COL22A1: variants seen among roughly 807,000 people sequenced by gnomAD.
COL22A1 encodes the protein collagen type XXII alpha 1 chain.
Under a neutral mutation model 248.9 loss-of-function variants are expected in COL22A1, and 221 were observed. The observed-to-expected ratio is 0.89, with a 90% CI of 0.80 to 0.99. The LOEUF (loss-of-function observed/expected upper bound fraction) is 0.99, where lower values mean the gene tolerates loss of function less well. COL22A1 is among the 50% of genes least tolerant of loss of function. COL22A1 has a pLI of 0.00. For synonymous variants in COL22A1, 891 were observed against 793.4 expected (o/e 1.12, Z -2.07); for missense variants, 2,240 against 2,179.0 (o/e 1.03, Z -0.56).
chr8:138,816,914 AT>A (rs916322072), intron 7 of COL22A1, among the ~76,000 whole-genome samples: 44 of 152,334 alleles, frequency 2.9e-4, no homozygotes, highest in African/African-American at 9.9e-4. Flanking sequence ...TAATACCCCC[AT>A]GGACACTCTT....
At chr8:138,635,122 G>A in intron 48 of COL22A1, 59 bp from the exon 49 acceptor site, 1 of 1,382,520 alleles carries the variant, frequency 7.2e-7, no homozygotes, top group Non-Finnish European at 1.0e-6. Flanking sequence ...TTTACTTTGT[G>A]CAAATATCAA....
At chr8:138,669,532 G>T (rs190262170) in intron 41 of COL22A1, among the ~76,000 whole-genome samples, 1 of 152,260 alleles carries the variant, frequency 6.6e-6, no homozygotes, top group African/African-American at 2.4e-5. Context: ...CTGTCTTCTC[G>T]CTTAGAAACA....
In COL22A1 at chr8:138,772,729, C is replaced by T. The variant is rs1028974117; in HGVS notation, c.1803+3237G>A. ...TAGTTTTATTAGCCAGGTGTGGTGGCGCATGCCTGTAGTCCCAGCTACTCA... is the reference window on the plus strand; with the variant it reads ...TAGTTTTATTAGCCAGGTGTGGTGGTGCATGCCTGTAGTCCCAGCTACTCA... On this transcript the variant is annotated intron_variant, in intron 16 of 64. Transcript: ENST00000303045. Among the ~76,000 whole-genome samples the T allele has an allele frequency of 4.6e-5, 7 of 152,100 alleles. No homozygotes were observed. The South Asian group carries it at 6.2e-4, about 14-fold the overall frequency.
intron 23 of COL22A1, among the ~76,000 whole-genome samples, chr8:138,729,448 G>T (rs1302170251): frequency 6.6e-6 from 1 of 152,188 alleles, no homozygotes; most frequent in East Asian, 1.9e-4. Flanking sequence ...AGCAGAGGTT[G>T]AGTCACTGTC....
chr8:138,888,196 C>T (rs1177442588), intron 1 of COL22A1, among the ~76,000 whole-genome samples: 1 of 152,138 alleles, frequency 6.6e-6, no homozygotes, highest in African/African-American at 2.4e-5. Flanking sequence ...GCCTACCCTG[C>T]ACAGGTTCTC....
At chr8:138,857,943 C>T (rs1431267517) in intron 3 of COL22A1, among the ~76,000 whole-genome samples, 2 of 152,212 alleles carry the variant, frequency 1.3e-5, no homozygotes, top group Non-Finnish European at 2.9e-5. Context: ...TTGTGAACTG[C>T]TCCTCCGGTT....
intron 41 of COL22A1, among the ~76,000 whole-genome samples, chr8:138,664,358 T>C (rs1430006523): frequency 5.9e-5 from 9 of 151,944 alleles, no homozygotes; most frequent in African/African-American, 2.2e-4. Context: ...ATGCTGTTCA[T>C]TGATTGACTG....
At chr8:138,841,578 T>C (rs1014642448) in intron 4 of COL22A1, among the ~76,000 whole-genome samples, 1 of 152,090 alleles carries the variant, frequency 6.6e-6, no homozygotes, top group African/African-American at 2.4e-5. Context: ...AATAGATTCA[T>C]GAGTAAGCTA....
chr8:138,784,901 C>T (rs930596398), intron 12 of COL22A1, among the ~76,000 whole-genome samples: 11 of 152,168 alleles, frequency 7.2e-5, no homozygotes, highest in Admixed American at 1.3e-4. Flanking sequence ...AGACTCCAGG[C>T]CCTAGAGTGT....
chr8:138,865,028 A>G (rs1206683231), intron 3 of COL22A1, among the ~76,000 whole-genome samples: 1 of 152,202 alleles, frequency 6.6e-6, no homozygotes, highest in Admixed American at 6.5e-5. Flanking sequence ...CTGTTGTTAG[A>G]TTGATGTAAA....
At position 138,737,516 on chromosome 8, in the gene COL22A1, G is replaced by A. The variant is rs1249711678; in HGVS notation, c.2139+8C>T. The stretch of plus-strand genomic sequence containing the variant: ...GTTGCTATGGAAGAGAATGTAAAAG[G>A]TAGTTACCTGCAGCCCCAGCAATCC... On this transcript the variant is annotated splice_region_variant and intron_variant, in intron 23 of 64. Coordinates refer to ENST00000303045, the MANE Select transcript of COL22A1 (RefSeq NM_152888.3). 3 of 1,594,976 alleles carry A rather than the reference G, an allele frequency of 1.9e-6. No individual in the cohort carries two copies. Among genetic ancestry groups the A allele is most frequent in the Non-Finnish European group, 8.6e-7 (1 of 1,162,670 alleles).
intron 3 of COL22A1, among the ~76,000 whole-genome samples, chr8:138,849,097 G>A (rs1019570429): frequency 5.3e-5 from 8 of 152,160 alleles, no homozygotes; most frequent in South Asian, 2.1e-4. Context: ...AATTTTCCAC[G>A]CATCTCCATT....
intron 16 of COL22A1, among the ~76,000 whole-genome samples, chr8:138,765,795 T>G: frequency 6.6e-6 from 1 of 151,696 alleles, no homozygotes; most frequent in African/African-American, 2.4e-5. Context: ...AGAGAAAGAG[T>G]GAAGCTGCTG....
intron 57 of COL22A1, 55 bp from the exon 58 acceptor site, chr8:138,606,507 G>C: frequency 6.4e-7 from 1 of 1,558,994 alleles, no homozygotes; most frequent in Non-Finnish European, 8.8e-7. Context: ...AACTCAAGCA[G>C]ATTTGGAAAC....
At chr8:138,747,635 A>T (rs1185961069) in intron 22 of COL22A1, among the ~76,000 whole-genome samples, 6 of 152,202 alleles carry the variant, frequency 3.9e-5, no homozygotes, top group Non-Finnish European at 8.8e-5. Context: ...GCCTTCCTGC[A>T]TCACCTGCTT....
chr8:138,762,577 C>A, intron 16 of COL22A1, 111 bp from the exon 17 acceptor site: 2 of 830,076 alleles, frequency 2.4e-6, no homozygotes, highest in Non-Finnish European at 2.0e-6. Flanking sequence ...GAAAAGGTGC[C>A]AAACGCACGT....
rs915871556 is a variant in COL22A1 at position 138,865,782 on chromosome 8, T to C, written c.658+11968A>G. Among the ~76,000 whole-genome samples, 122 of 147,970 alleles carry C rather than the reference T, an allele frequency of 8.2e-4. 1 individual carries two copies. The highest frequency in any genetic ancestry group is 1.5e-3 in the Non-Finnish European group (100 of 67,456). On this transcript the variant is annotated intron_variant, in intron 3 of 64. Coordinates refer to ENST00000303045, the MANE Select transcript of COL22A1 (RefSeq NM_152888.3). ...GTATGTTTGTATGCCTCTGAGTGTA[T>C]GTTTGTATGCCTGTGTGTGTGTGTA...
chr8:138,651,449 T>A (rs1364138650), intron 45 of COL22A1, among the ~76,000 whole-genome samples: 1 of 152,210 alleles, frequency 6.6e-6, no homozygotes, highest in Non-Finnish European at 1.5e-5. Flanking sequence ...ACCAATTAAC[T>A]GTCCACCTGA....
At chr8:138,647,093 G>A (rs28650009) in intron 46 of COL22A1, among the ~76,000 whole-genome samples, 3,664 of 151,970 alleles carry the variant, frequency 0.024, 146 homozygotes, top group African/African-American at 0.084. Context: ...ACCATCCCCC[G>A]CCCCCCACCT....
Sources: gnomAD v4.1 joint callset for allele counts (sites outside exome capture counted in the v4.1 genomes callset) on GRCh38, gnomAD v4.1.1 for gene constraint, MANE v1.5 for transcripts, NCBI Gene and HGNC (gene_info 2026-07-23, HGNC 2026-07-21) for gene names.